Variants in DMD observed in about 807,000 individuals in gnomAD.
DMD encodes the protein mutant dystrophin.
DMD carries 63 observed loss-of-function variants against 330.1 expected under a neutral mutation model. That is an observed-to-expected ratio of 0.19 (90% CI 0.16 to 0.24). The LOEUF (loss-of-function observed/expected upper bound fraction) is 0.24, where lower values mean the gene tolerates loss of function less well. Among genes scored for constraint, DMD ranks in the 10% least tolerant of loss-of-function variants. The pLI, the probability that DMD is intolerant of heterozygous loss-of-function variation, is 1.00. For synonymous variants in DMD, 1,223 were observed against 959.8 expected (o/e 1.27, Z -5.07); for missense variants, 3,344 against 2,684.1 (o/e 1.25, Z -5.43).
chrX:31,449,763 G>GATATATATATATATAT (rs59787771), intron 59 of DMD, among the ~76,000 whole-genome samples: 15 of 62,460 alleles, frequency 2.4e-4, no homozygotes, highest in Non-Finnish European at 4.7e-4. Context: ...TAAATGGTGT[G>GATATATATATATATAT]ATATATATAT....
chrX:32,021,629 T>C (rs1282412562), intron 44 of DMD, among the ~76,000 whole-genome samples: 1 of 112,282 alleles, frequency 8.9e-6, no homozygotes, highest in Admixed American at 9.4e-5. Context: ...CAAATTGCAA[T>C]GTGCCATAAA....
At chrX:31,541,224 T>C (rs958228453) in intron 55 of DMD, among the ~76,000 whole-genome samples, 3 of 112,026 alleles carry the variant, frequency 2.7e-5, no homozygotes, top group Non-Finnish European at 3.8e-5. Flanking sequence ...AATTTAAAAA[T>C]TGACTCTTGG....
intron 41 of DMD, among the ~76,000 whole-genome samples, chrX:32,326,633 C>A (rs766072602): frequency 8.9e-6 from 1 of 111,945 alleles, no homozygotes; most frequent in Non-Finnish European, 1.9e-5. Flanking sequence ...GGCTGGGCGC[C>A]ATGGCTCACA....
At chrX:31,133,524 A>G (rs186175867) in intron 77 of DMD, among the ~76,000 whole-genome samples, 4,223 of 111,967 alleles carry the variant, frequency 0.038, 135 homozygotes, top group East Asian at 0.15. Flanking sequence ...AAAGAAAAAT[A>G]TTAATGTCTT....
At chrX:32,770,285 A>T (rs1297391240) in intron 7 of DMD, among the ~76,000 whole-genome samples, 1 of 112,059 alleles carries the variant, frequency 8.9e-6, no homozygotes, top group Non-Finnish European at 1.9e-5. Context: ...ACAAGCTAAG[A>T]GAGGGAACTG....
intron 7 of DMD, among the ~76,000 whole-genome samples, chrX:32,705,539 C>T (rs1032416952): frequency 1.8e-5 from 2 of 111,668 alleles, no homozygotes; most frequent in African/African-American, 6.5e-5. Flanking sequence ...TCAGGCTGGG[C>T]GCTTTAGCTC....
intron 50 of DMD, among the ~76,000 whole-genome samples, chrX:31,778,323 T>C (rs1403173892): frequency 1.8e-5 from 2 of 111,637 alleles, no homozygotes; most frequent in Admixed American, 1.9e-4. Flanking sequence ...TAGCTGATAG[T>C]AGTTGAGAGT....
intron 50 of DMD, among the ~76,000 whole-genome samples, chrX:31,792,476 T>C (rs774105546): frequency 8.9e-6 from 1 of 112,586 alleles, no homozygotes; most frequent in South Asian, 3.6e-4. Flanking sequence ...GGTTCATGAA[T>C]GAGAAAGCTG....
intron 44 of DMD, among the ~76,000 whole-genome samples, chrX:32,104,140 C>A (rs1356886705): frequency 9.0e-6 from 1 of 111,252 alleles, no homozygotes; most frequent in East Asian, 2.8e-4. Flanking sequence ...TATCTTCTCT[C>A]CTTGGGCTAC....
chrX:33,121,601 C>A (rs1163631721), intron 1 of DMD, among the ~76,000 whole-genome samples: 5 of 111,895 alleles, frequency 4.5e-5, no homozygotes, highest in Non-Finnish European at 9.4e-5. Flanking sequence ...ACAAAAGCTA[C>A]TTACGTTCCA....
intron 44 of DMD, among the ~76,000 whole-genome samples, chrX:32,114,768 A>G (rs1329686359): frequency 3.6e-5 from 4 of 112,520 alleles, no homozygotes; most frequent in Non-Finnish European, 7.5e-5. Flanking sequence ...ACTATTTAGC[A>G]ATGGATACAA....
chrX:33,245,009 T>C (rs1250266943), intron 1 of DMD, among the ~76,000 whole-genome samples: 1 of 111,753 alleles, frequency 8.9e-6, no homozygotes, highest in Non-Finnish European at 1.9e-5. Flanking sequence ...TTCTTCCTGC[T>C]ACCACTTAAA....
chrX:32,017,443 A>G (rs1369919584), intron 44 of DMD, among the ~76,000 whole-genome samples: 1 of 111,958 alleles, frequency 8.9e-6, no homozygotes, highest in Non-Finnish European at 1.9e-5. Flanking sequence ...AAGCTGGGAA[A>G]AAAGTTTAGA....
intron 74 of DMD, among the ~76,000 whole-genome samples, chrX:31,158,048 T>TC (rs773203454): frequency 9.0e-6 from 1 of 110,804 alleles, no homozygotes; most frequent in East Asian, 2.8e-4. Context: ...CAAGTGATCC[T>TC]CCCACCTCAG....
At chrX:31,190,590 C>CGGGGGGGTGGGGGGGGGGGGG (rs2042218518) in intron 67 of DMD, among the ~76,000 whole-genome samples, 1 of 2,481 alleles carries the variant, frequency 4.0e-4, no homozygotes, top group Non-Finnish European at 1.4e-3. Flanking sequence ...CACAACTGGG[C>CGGGGGGGTGGGGGGGGGGGGG]GGGGGGGGGG....
chrX:31,210,185 G>A (rs1028792651), intron 64 of DMD, among the ~76,000 whole-genome samples: 8 of 111,487 alleles, frequency 7.2e-5, no homozygotes, highest in African/African-American at 1.6e-4. Context: ...ATCATTAAGC[G>A]CTTTTCTCCT....
chrX:32,222,138 A>G (rs780703258), intron 43 of DMD, among the ~76,000 whole-genome samples: 12 of 112,054 alleles, frequency 1.1e-4, no homozygotes, highest in Admixed American at 1.9e-4. Context: ...TGTTAGATCT[A>G]CTTTTAGTTC....
At chrX:32,608,814 C>T (rs896513409) in intron 12 of DMD, among the ~76,000 whole-genome samples, 1 of 110,243 alleles carries the variant, frequency 9.1e-6, no homozygotes, top group Non-Finnish European at 1.9e-5. Context: ...GTGTTTATCC[C>T]CCTTACCATC....
At chrX:31,942,435 G>C (rs904884428) in intron 45 of DMD, among the ~76,000 whole-genome samples, 17 of 112,116 alleles carry the variant, frequency 1.5e-4, no homozygotes, top group Admixed American at 1.5e-3. Flanking sequence ...TTGTGATCTG[G>C]TCTCTACTTC....
Sources: gnomAD v4.1 joint callset for allele counts (sites outside exome capture counted in the v4.1 genomes callset) on GRCh38, gnomAD v4.1.1 for gene constraint, MANE v1.5 for transcripts, NCBI Gene and HGNC (gene_info 2026-07-23, HGNC 2026-07-21) for gene names.